TAFA1: variants seen among roughly 807,000 people sequenced by gnomAD.
TAFA1 encodes the protein chemokine-like protein TAFA-1.
A neutral mutation model predicts 18.5 loss-of-function variants in TAFA1; 4 were observed. The observed-to-expected ratio is 0.22, with a 90% confidence interval of 0.11 to 0.49. The LOEUF (loss-of-function observed/expected upper bound fraction) is 0.49. Among genes scored for constraint, TAFA1 ranks in the 20% least tolerant of loss-of-function variants. TAFA1 has a pLI of 0.98. For missense variants in TAFA1, 147 were observed against 169.0 expected, an observed-to-expected ratio of 0.87 and a Z score of 0.72; for synonymous variants, 56 against 55.2, an observed-to-expected ratio of 1.01 and a Z score of -0.06.
intron 2 of TAFA1, among the ~76,000 whole-genome samples, chr3:68,279,347 C>T (rs768372688): frequency 6.6e-6 from 1 of 152,070 alleles, no homozygotes; most frequent in Non-Finnish European, 1.5e-5. Flanking sequence ...GTGTGGTAGC[C>T]ACTACTTTAT....
intron 2 of TAFA1, among the ~76,000 whole-genome samples, chr3:68,083,201 C>A (rs558838968): frequency 1.3e-5 from 2 of 152,228 alleles, no homozygotes. Flanking sequence ...AGGGCTCTAT[C>A]CAGAAACAAA....
At chr3:68,408,688 C>A (rs1046127888) in intron 2 of TAFA1, among the ~76,000 whole-genome samples, 1 of 151,762 alleles carries the variant, frequency 6.6e-6, no homozygotes, top group Non-Finnish European at 1.5e-5. Flanking sequence ...TGTGACTGCC[C>A]ACTATTATTC....
chr3:68,027,181 T>C (rs1453782541), intron 2 of TAFA1, among the ~76,000 whole-genome samples: 1 of 152,128 alleles, frequency 6.6e-6, no homozygotes, highest in East Asian at 1.9e-4. Context: ...GAGATTTACG[T>C]GGGACTTCAT....
chr3:68,465,388 G>A (rs956352), intron 3 of TAFA1, among the ~76,000 whole-genome samples: 30,404 of 152,036 alleles, frequency 0.2, 3,838 homozygotes, highest in East Asian at 0.41. Flanking sequence ...ACAGCTGTAG[G>A]TGTCTAAAGA....
At chr3:68,261,565 C>A (rs1000763070) in intron 2 of TAFA1, among the ~76,000 whole-genome samples, 1 of 151,900 alleles carries the variant, frequency 6.6e-6, no homozygotes, top group African/African-American at 2.4e-5. Context: ...CACATATACA[C>A]CATGGAATAC....
chr3:68,397,416 G>T (rs971863660), intron 2 of TAFA1, among the ~76,000 whole-genome samples: 1 of 152,068 alleles, frequency 6.6e-6, no homozygotes, highest in Admixed American at 6.6e-5. Context: ...GTGGTGTTTG[G>T]TTTTCTGTTC....
chr3:68,168,101 C>G (rs570338417), intron 2 of TAFA1, among the ~76,000 whole-genome samples: 4 of 124,722 alleles, frequency 3.2e-5, no homozygotes, highest in African/African-American at 5.9e-5. Flanking sequence ...AGTTTTGAAA[C>G]TTTTGGTCTG....
chr3:68,524,815 C>T (rs529390815), intron 3 of TAFA1, among the ~76,000 whole-genome samples: 30 of 152,066 alleles, frequency 2.0e-4, no homozygotes, highest in South Asian at 8.3e-4. Flanking sequence ...GGACTACAGG[C>T]GCCCGCCACC....
At chr3:68,101,558 A>G (rs756188137) in intron 2 of TAFA1, among the ~76,000 whole-genome samples, 8 of 152,152 alleles carry the variant, frequency 5.3e-5, no homozygotes, top group Non-Finnish European at 1.0e-4. Flanking sequence ...GTGTGATTTC[A>G]AAGGCTTTGA....
At chr3:68,496,693 G>T (rs1345488380) in intron 3 of TAFA1, among the ~76,000 whole-genome samples, 1 of 152,234 alleles carries the variant, frequency 6.6e-6, no homozygotes, top group Middle Eastern at 3.4e-3. Context: ...TTAAGAATAT[G>T]GGACCCAAGT....
intron 2 of TAFA1, among the ~76,000 whole-genome samples, chr3:68,403,003 T>C (rs540230308): frequency 4.5e-4 from 69 of 152,206 alleles, no homozygotes; most frequent in Non-Finnish European, 9.3e-4. Context: ...ACCTATAAGA[T>C]AACATGGTAT....
chr3:68,380,074 A>G (rs262191), intron 2 of TAFA1, among the ~76,000 whole-genome samples: 75,830 of 151,830 alleles, frequency 0.5, 19,556 homozygotes, highest in East Asian at 0.76. Context: ...AGTTTCATCC[A>G]TGTCCCTACA....
intron 3 of TAFA1, among the ~76,000 whole-genome samples, chr3:68,462,255 A>G (rs935458623): frequency 3.9e-5 from 6 of 152,140 alleles, no homozygotes; most frequent in African/African-American, 1.2e-4. Flanking sequence ...TCCCCACCCA[A>G]ATCTCATCTT....
At chr3:68,040,009 G>T (rs1375999547) in intron 2 of TAFA1, among the ~76,000 whole-genome samples, 2 of 152,148 alleles carry the variant, frequency 1.3e-5, no homozygotes, top group Admixed American at 6.5e-5. Context: ...TTCATAGAAA[G>T]TCCTCCAGCA....
chr3:68,145,083 C>A, intron 2 of TAFA1: 4 of 1,491,262 alleles, frequency 2.7e-6, no homozygotes, highest in Non-Finnish European at 3.7e-6. Flanking sequence ...GAGCTCGAGG[C>A]CCCTGGAGGA....
chr3:68,482,442 C>A (rs974638511), intron 3 of TAFA1, among the ~76,000 whole-genome samples: 22 of 152,132 alleles, frequency 1.4e-4, no homozygotes, highest in Admixed American at 1.2e-3. Context: ...GTTGGCAGTG[C>A]TGACACAGAG....
In TAFA1 at chr3:68,006,727, A is replaced by G; in HGVS notation, c.101A>G (p.His34Arg). Residue 34 changes from histidine (H) to arginine (R), a missense_variant, in exon 2 of 5, where the codon CAT becomes CGT. Coordinates refer to ENST00000478136, the MANE Select transcript of TAFA1 (RefSeq NM_213609.4). ...TCCCTTCAGCACACTTTCCAGCAGC[A>G]TCACCTGCACAGACCAGGTAAGTCA... is the stretch of plus-strand genomic sequence containing the variant. Reference protein sequence around the residue: ...HGSLQHTFQQHHLHRPEGGTC... With the variant: ...HGSLQHTFQQRHLHRPEGGTC... 1.2e-6 allele frequency: 2 copies of G among 1,613,806 alleles called. No individual in the cohort carries two copies. The highest frequency in any genetic ancestry group is 1.1e-5 in the South Asian group (1 of 91,080).
intron 2 of TAFA1, among the ~76,000 whole-genome samples, chr3:68,076,245 A>G (rs1324088306): frequency 1.3e-5 from 2 of 151,850 alleles, no homozygotes; most frequent in Non-Finnish European, 2.9e-5. Flanking sequence ...CACAGAAGTC[A>G]ACAAGCCATA....
At chr3:68,120,190 T>C (rs1479812910) in intron 2 of TAFA1, among the ~76,000 whole-genome samples, 1 of 39,710 alleles carries the variant, frequency 2.5e-5, no homozygotes. Context: ...TCTTTCTTTC[T>C]TTCTTTCTTT....
Sources: gnomAD v4.1 joint callset for allele counts (sites outside exome capture counted in the v4.1 genomes callset) on GRCh38, gnomAD v4.1.1 for gene constraint, MANE v1.5 for transcripts, NCBI Gene and HGNC (gene_info 2026-07-23, HGNC 2026-07-21) for gene names.